The following RAB3C variants were observed in gnomAD, a reference collection of about 807,000 sequenced individuals.
The protein encoded by RAB3C is RAB3C, member RAS oncogene family, also known as ras-related protein Rab-3C.
RAB3C carries 17 observed loss-of-function variants against 26.4 expected under a neutral mutation model. The ratio of observed to expected loss-of-function variants is 0.64; its 90% CI spans 0.44 to 0.97. The LOEUF is 0.97. Ranked by LOEUF, RAB3C falls within the 50% of genes least tolerant of loss-of-function variation. The pLI is 0.00. For missense variants in RAB3C, 242 were observed against 281.9 expected, an observed-to-expected ratio of 0.86 and a Z score of 1.01; for synonymous variants, 91 against 95.9, an observed-to-expected ratio of 0.95 and a Z score of 0.30.
chr5:58,630,091 A>G (rs1442321386), intron 2 of RAB3C, among the ~76,000 whole-genome samples: 1 of 152,256 alleles, frequency 6.6e-6, no homozygotes, highest in Non-Finnish European at 1.5e-5. Flanking sequence ...TAATAAGAGC[A>G]GCAAGAGAGA....
chr5:58,672,901 CTA>C (rs1343210309), intron 2 of RAB3C, among the ~76,000 whole-genome samples: 2 of 152,136 alleles, frequency 1.3e-5, no homozygotes, highest in Admixed American at 1.3e-4. Flanking sequence ...GAAGAATAAA[CTA>C]TATATAATGG....
At chr5:58,771,838 T>G (rs1010702097) in intron 3 of RAB3C, among the ~76,000 whole-genome samples, 9 of 150,410 alleles carry the variant, frequency 6.0e-5, no homozygotes, top group Admixed American at 4.6e-4. Flanking sequence ...TTCTTTTTTC[T>G]TTTTCTTTTT....
At chr5:58,757,930 TG>T (rs1363663995) in intron 3 of RAB3C, among the ~76,000 whole-genome samples, 2 of 125,518 alleles carry the variant, frequency 1.6e-5, no homozygotes, top group Admixed American at 1.5e-4. Context: ...TTGTTGTTGT[TG>T]TTGTTTTGTT....
intron 2 of RAB3C, among the ~76,000 whole-genome samples, chr5:58,673,732 G>A (rs1748169219): frequency 6.6e-6 from 1 of 152,130 alleles, no homozygotes; most frequent in African/African-American, 2.4e-5. Flanking sequence ...CAATGAAAAA[G>A]GATCAAATAG....
intron 3 of RAB3C, among the ~76,000 whole-genome samples, chr5:58,793,973 A>G (rs2112017644): frequency 6.6e-6 from 1 of 152,344 alleles, no homozygotes; most frequent in Non-Finnish European, 1.5e-5. Context: ...TTAGGAGAAT[A>G]AAATCCTCTT....
intron 3 of RAB3C, among the ~76,000 whole-genome samples, chr5:58,770,487 A>T (rs1742009048): frequency 6.6e-6 from 1 of 151,952 alleles, no homozygotes. Flanking sequence ...ACTTCCAAGA[A>T]CCTGTTATAA....
intron 1 of RAB3C, among the ~76,000 whole-genome samples, chr5:58,615,958 C>T (rs1222994204): frequency 6.8e-6 from 1 of 146,194 alleles, no homozygotes; most frequent in Non-Finnish European, 1.5e-5. Context: ...CCTCAGTTTT[C>T]TGTAAACATA....
chr5:58,820,262 C>A (rs1001203319), intron 3 of RAB3C, among the ~76,000 whole-genome samples: 19 of 151,358 alleles, frequency 1.3e-4, no homozygotes, highest in Admixed American at 9.2e-4. Context: ...AATTTCAAAG[C>A]AACAAGAAGC....
At chr5:58,692,019 A>G (rs1437257815) in intron 2 of RAB3C, among the ~76,000 whole-genome samples, 2 of 152,164 alleles carry the variant, frequency 1.3e-5, no homozygotes, top group African/African-American at 4.8e-5. Flanking sequence ...TTTTTCTTCA[A>G]GGTCAGAACA....
chr5:58,762,055 CA>C (rs57056495), intron 3 of RAB3C, among the ~76,000 whole-genome samples: 47,820 of 130,206 alleles, frequency 0.37, 8,053 homozygotes, highest in Middle Eastern at 0.48. Flanking sequence ...CTTTTAGAAG[CA>C]AAAAAAAAAA....
chr5:58,700,853 T>C (rs1330425793), intron 2 of RAB3C, among the ~76,000 whole-genome samples: 9 of 152,216 alleles, frequency 5.9e-5, no homozygotes, highest in Admixed American at 5.9e-4. Flanking sequence ...AGCACTTGGT[T>C]TGGTGAGCCT....
At chr5:58,737,605 A>ATGAC (rs1025070039) in intron 3 of RAB3C, among the ~76,000 whole-genome samples, 5 of 151,892 alleles carry the variant, frequency 3.3e-5, no homozygotes, top group African/African-American at 1.2e-4. Context: ...TCTTGAATGA[A>ATGAC]TGACTGTATG....
chr5:58,585,393 C>CT (rs959785145), intron 1 of RAB3C, among the ~76,000 whole-genome samples: 16 of 151,114 alleles, frequency 1.1e-4, no homozygotes, highest in African/African-American at 3.6e-4. Flanking sequence ...AAATAATTGA[C>CT]TTTTTTTTTC....
chr5:58,586,788 G>A (rs1478365171), intron 1 of RAB3C, among the ~76,000 whole-genome samples: 1 of 152,078 alleles, frequency 6.6e-6, no homozygotes. Flanking sequence ...TATAGATGTA[G>A]GCTGAAGATG....
chr5:58,818,010 C>G (rs1579935598), intron 3 of RAB3C, among the ~76,000 whole-genome samples: 1 of 152,192 alleles, frequency 6.6e-6, no homozygotes, highest in Admixed American at 6.5e-5. Context: ...AAGATCTGTT[C>G]GAGCTTCGCT....
intron 3 of RAB3C, among the ~76,000 whole-genome samples, chr5:58,801,631 C>T (rs1046162945): frequency 6.6e-6 from 1 of 152,186 alleles, no homozygotes; most frequent in East Asian, 1.9e-4. Flanking sequence ...TAATTTAATC[C>T]CAGAAAGGGG....
intron 2 of RAB3C, among the ~76,000 whole-genome samples, chr5:58,702,976 C>T (rs1017444070): frequency 7.2e-5 from 11 of 151,974 alleles, no homozygotes; most frequent in South Asian, 2.1e-4. Flanking sequence ...CAATTTTTGA[C>T]GGAAAAATAC....
chr5:58,828,826 G>A lies in RAB3C; in HGVS notation c.496+3664G>A, dbSNP rs568718110. Among the ~76,000 whole-genome samples the A allele has an allele frequency of 1.0e-4, 13 of 127,504 alleles. No homozygotes were observed. The South Asian group carries it at 3.6e-3, about 35-fold the overall frequency. 83.6% of individuals were successfully genotyped at this position (127,504 alleles called of 152,430 possible). A position where few individuals can be genotyped will look rare whatever the true frequency, so the allele number is the denominator to read the frequency against. On this transcript the variant is annotated intron_variant, in intron 4 of 4. Coordinates refer to ENST00000282878, the MANE Select transcript of RAB3C (RefSeq NM_138453.4). ...CAGAACACTGGCTTTTGTGGGAAGC[G>A]AGTGTTTGGAGAGGGTAGGGAATTA...
At chr5:58,819,141 A>T (rs1743283083) in intron 3 of RAB3C, among the ~76,000 whole-genome samples, 2 of 152,190 alleles carry the variant, frequency 1.3e-5, no homozygotes, top group Non-Finnish European at 1.5e-5. Flanking sequence ...GTGTAACGAG[A>T]TGTTGCAACT....
Sources: gnomAD v4.1 joint callset for allele counts (sites outside exome capture counted in the v4.1 genomes callset) on GRCh38, gnomAD v4.1.1 for gene constraint, MANE v1.5 for transcripts, NCBI Gene and HGNC (gene_info 2026-07-23, HGNC 2026-07-21) for gene names.